IPMK: variants seen among roughly 807,000 people sequenced by gnomAD.
IPMK encodes inositol polyphosphate multikinase.
IPMK carries 17 observed loss-of-function variants against 45.8 expected under a neutral mutation model. The observed-to-expected ratio is 0.37, with a 90% CI of 0.25 to 0.56. IPMK has a LOEUF of 0.56. IPMK is among the 20% of genes least tolerant of loss of function. The pLI is 0.79. For missense variants in IPMK, 399 were observed against 498.0 expected (o/e 0.80, Z 1.89); for synonymous variants, 180 against 184.3 (o/e 0.98, Z 0.19).
At chr10:58,202,494 G>A (rs1161772114) in intron 4 of IPMK, among the ~76,000 whole-genome samples, 3 of 152,070 alleles carry the variant, frequency 2.0e-5, no homozygotes, top group Admixed American at 6.6e-5. Context: ...GTGAGACCCC[G>A]TTTCTACAAA....
At chr10:58,202,309 T>C (rs1372881961) in intron 4 of IPMK, among the ~76,000 whole-genome samples, 1 of 152,136 alleles carries the variant, frequency 6.6e-6, no homozygotes, top group East Asian at 1.9e-4. Flanking sequence ...AACTCTCTTA[T>C]TAGGGGCAAA....
rs544429167 is a variant in IPMK, at chr10:58,207,985, G to T, written c.546+8160C>A. ...AGATGTAGTCTTGCTTTGGTGCCCAGGCTGGAGTGCAGTGGCGCGATCTCG... is the reference window on the plus strand; with the variant it reads ...AGATGTAGTCTTGCTTTGGTGCCCATGCTGGAGTGCAGTGGCGCGATCTCG... On this transcript the variant is annotated intron_variant, in intron 4 of 5. Transcript: ENST00000373935. Among the ~76,000 whole-genome samples, 28 of 152,114 alleles carry T rather than the reference G, an allele frequency of 1.8e-4. No individual in the cohort carries two copies. The South Asian group carries it at 5.8e-3, about 32-fold the overall frequency.
At chr10:58,215,149 A>G (rs1838225154) in intron 4 of IPMK, among the ~76,000 whole-genome samples, 1 of 152,210 alleles carries the variant, frequency 6.6e-6, no homozygotes, top group African/African-American at 2.4e-5. Flanking sequence ...CCCAGCCAAC[A>G]GTACCAACTT....
chr10:58,264,787 G>A lies in IPMK; in HGVS notation c.190+2635C>T, dbSNP rs191399790. Among the ~76,000 whole-genome samples, 302 of 152,214 alleles carry A rather than the reference G, an allele frequency of 2.0e-3. 1 individual carries two copies. Among genetic ancestry groups the A allele is most frequent in the African/African-American group, 6.7e-3 (279 of 41,536 alleles). On this transcript the variant is annotated intron_variant, in intron 1 of 5. Transcript: ENST00000373935. ...ATTTTTAGAAAGAATAAAGTATACC[G>A]TAAGTGCAAAAATATAGGTATAATA...
At chr10:58,241,759 T>C (rs991298938) in intron 1 of IPMK, among the ~76,000 whole-genome samples, 2 of 151,986 alleles carry the variant, frequency 1.3e-5, no homozygotes, top group Non-Finnish European at 2.9e-5. Context: ...ATTCTGTTGG[T>C]TCAAGACTTA....
At chr10:58,224,457 T>C (rs1414486460) in intron 3 of IPMK, among the ~76,000 whole-genome samples, 8 of 152,206 alleles carry the variant, frequency 5.3e-5, no homozygotes, top group Admixed American at 5.2e-4. Context: ...ATTCCACTGC[T>C]CATGTTCTAA....
chr10:58,193,430 A>C lies in IPMK; in HGVS notation c.*2646T>G, dbSNP rs1249585567. 1 of 151,862 alleles carries C rather than the reference A, an allele frequency of 6.6e-6. No individual in the cohort carries two copies. Among genetic ancestry groups the C allele is most frequent in the African/African-American group, 2.4e-5 (1 of 41,422 alleles). The allele number at this position is 151,862 out of a possible 1,614,324, so 9.4% of individuals were successfully genotyped here. ...TCCACATTAGAGCCATTTAATATAC[A>C]CATTTCCATAACTGTTTCTTGAAAA... On this transcript the variant is annotated 3_prime_UTR_variant, in exon 6 of 6. Coordinates refer to ENST00000373935, the MANE Select transcript of IPMK (RefSeq NM_152230.5).
intron 1 of IPMK, among the ~76,000 whole-genome samples, chr10:58,248,830 A>G (rs879802396): frequency 2.0e-5 from 3 of 152,190 alleles, no homozygotes; most frequent in Admixed American, 6.5e-5. Flanking sequence ...ACTTCATATA[A>G]TGAGCTCCAA....
intron 5 of IPMK, among the ~76,000 whole-genome samples, chr10:58,198,663 T>C (rs1837944301): frequency 6.6e-6 from 1 of 152,192 alleles, no homozygotes; most frequent in Non-Finnish European, 1.5e-5. Flanking sequence ...TGTAATATAA[T>C]GTTATTTCCA....
At position 58,193,273 on chromosome 10, in the gene IPMK, A is replaced by T. The variant is rs1453375723; in HGVS notation, c.*2803T>A. The T allele has an allele frequency of 2.0e-5, 3 of 151,928 alleles. No homozygotes were observed. The highest frequency in any genetic ancestry group is 7.2e-5 in the African/African-American group (3 of 41,442). 9.4% of individuals were successfully genotyped at this position (151,928 alleles called of 1,614,324 possible). A position where few individuals can be genotyped will look rare whatever the true frequency, so the allele number is the denominator to read the frequency against. On this transcript the variant is annotated 3_prime_UTR_variant, in exon 6 of 6. Coordinates refer to ENST00000373935, the MANE Select transcript of IPMK (RefSeq NM_152230.5). ...AAATACTAAATTATGCTCAATCAAA[A>T]TACAGACGAAGGTTCTTCAGTTAAA...
chr10:58,260,232 C>T (rs1485500259), intron 1 of IPMK, among the ~76,000 whole-genome samples: 1 of 152,124 alleles, frequency 6.6e-6, no homozygotes, highest in Non-Finnish European at 1.5e-5. Flanking sequence ...TGTCATACAC[C>T]TATACTCTTC....
At chr10:58,235,350 T>C (rs1483924476) in intron 2 of IPMK, among the ~76,000 whole-genome samples, 1 of 152,164 alleles carries the variant, frequency 6.6e-6, no homozygotes, top group East Asian at 1.9e-4. Flanking sequence ...CATGCTACTA[T>C]AAAGATACAT....
chr10:58,207,036 C>T (rs1025583490), intron 4 of IPMK, among the ~76,000 whole-genome samples: 1 of 152,128 alleles, frequency 6.6e-6, no homozygotes, highest in Non-Finnish European at 1.5e-5. Context: ...GAGTCTTGCT[C>T]TGTTGCCCAG....
chr10:58,235,276 G>C (rs1477963099), intron 2 of IPMK, among the ~76,000 whole-genome samples: 1 of 152,170 alleles, frequency 6.6e-6, no homozygotes, highest in Non-Finnish European at 1.5e-5. Flanking sequence ...CAAGGATCTA[G>C]AACTAGAATT....
intron 1 of IPMK, among the ~76,000 whole-genome samples, chr10:58,242,013 T>C (rs1203606982): frequency 6.6e-6 from 1 of 151,888 alleles, no homozygotes; most frequent in East Asian, 1.9e-4. Flanking sequence ...ACAAATACTG[T>C]TGGCTTCAGT....
chr10:58,238,902 G>A (rs1353566236), intron 1 of IPMK, among the ~76,000 whole-genome samples: 2 of 150,908 alleles, frequency 1.3e-5, no homozygotes, highest in African/African-American at 4.9e-5. Context: ...GCTCACACCT[G>A]TAATTCCAGC....
rs1386209306 is a variant in IPMK, at chr10:58,213,687, A to G, written c.546+2458T>C. 2.8e-5 allele frequency among the ~76,000 whole-genome samples: 4 copies of G among 144,212 alleles called. No individual in the cohort carries two copies. The South Asian group carries it at 8.4e-4, about 30-fold the overall frequency. 94.6% of individuals were successfully genotyped at this position (144,212 alleles called of 152,430 possible). A position where few individuals can be genotyped will look rare whatever the true frequency, so the allele number is the denominator to read the frequency against. Reference sequence around the variant, plus strand: ...GGCGACAGAGCGAGACTCCGTCTCAAAAAAAAAAAGAAAAAAAAAAAGAAA... The same window carrying G: ...GGCGACAGAGCGAGACTCCGTCTCAGAAAAAAAAAGAAAAAAAAAAAGAAA... On this transcript the variant is annotated intron_variant, in intron 4 of 5. Transcript: ENST00000373935.
intron 2 of IPMK, among the ~76,000 whole-genome samples, chr10:58,235,981 T>G (rs1485537239): frequency 6.6e-6 from 1 of 151,826 alleles, no homozygotes; most frequent in Non-Finnish European, 1.5e-5. Context: ...CATGCTGGAG[T>G]ACAGTGGTGC....
chr10:58,221,559 C>A (rs1838336590), intron 3 of IPMK, among the ~76,000 whole-genome samples: 1 of 152,028 alleles, frequency 6.6e-6, no homozygotes, highest in South Asian at 2.1e-4. Flanking sequence ...AGATAGATTT[C>A]TGTTGTTATT....
Sources: gnomAD v4.1 joint callset for allele counts (sites outside exome capture counted in the v4.1 genomes callset) on GRCh38, gnomAD v4.1.1 for gene constraint, MANE v1.5 for transcripts, NCBI Gene and HGNC (gene_info 2026-07-23, HGNC 2026-07-21) for gene names.